ADAMTSL1: variants seen among roughly 807,000 people sequenced by gnomAD.
ADAMTSL1 encodes ADAMTS-like protein 1.
ADAMTSL1 carries 126 observed loss-of-function variants against 201.8 expected under a neutral mutation model. The ratio of observed to expected loss-of-function variants is 0.62; its 90% CI spans 0.54 to 0.72. The LOEUF is 0.72. Among genes scored for constraint, ADAMTSL1 ranks in the 30% least tolerant of loss-of-function variants. The pLI, the probability that ADAMTSL1 is intolerant of heterozygous loss-of-function variation, is 0.00. For missense variants in ADAMTSL1, 2,679 were observed against 2,277.8 expected (o/e 1.18, Z -3.59); for synonymous variants, 1,121 against 903.4 (o/e 1.24, Z -4.32).
chr9:18,569,500 G>C (rs1564056511), intron 3 of ADAMTSL1, among the ~76,000 whole-genome samples: 1 of 152,156 alleles, frequency 6.6e-6, no homozygotes, highest in Admixed American at 6.5e-5. Flanking sequence ...GGTATATTTA[G>C]AGTTTATTGG....
intron 2 of ADAMTSL1, among the ~76,000 whole-genome samples, chr9:18,314,824 T>G: frequency 9.6e-6 from 1 of 104,340 alleles, no homozygotes; most frequent in Admixed American, 1.5e-4. Flanking sequence ...TGAGACGGAG[T>G]CTTGCTCTGT....
intron 2 of ADAMTSL1, among the ~76,000 whole-genome samples, chr9:18,274,479 G>C (rs2132596358): frequency 6.6e-6 from 1 of 152,120 alleles, no homozygotes; most frequent in South Asian, 2.1e-4. Flanking sequence ...AGAGTTAGTA[G>C]TTTGAAAAGA....
chr9:18,007,673 C>A lies in ADAMTSL1; in HGVS notation c.87+100751C>A, dbSNP rs1434673867. On this transcript the variant is annotated intron_variant, in intron 1 of 29. Transcript: ENST00000680146. ...TCTGGTAATGGGGATGATTATGGCACTGAAGCCTTCAACACATTCACAGAA... is the reference window on the plus strand; with the variant it reads ...TCTGGTAATGGGGATGATTATGGCAATGAAGCCTTCAACACATTCACAGAA... Among the ~76,000 whole-genome samples, 3 of 152,034 alleles carry A rather than the reference C, an allele frequency of 2.0e-5. No individual in the cohort carries two copies. In the East Asian group the frequency reaches 5.9e-4, roughly 30 times the overall value.
At chr9:18,042,476 A>T (rs1286354561) in intron 1 of ADAMTSL1, among the ~76,000 whole-genome samples, 1 of 152,266 alleles carries the variant, frequency 6.6e-6, no homozygotes, top group South Asian at 2.1e-4. Context: ...AGATGAAGAC[A>T]TGAGGGGTTG....
chr9:18,499,989 A>T (rs1462149885), intron 1 of ADAMTSL1, among the ~76,000 whole-genome samples: 2 of 152,174 alleles, frequency 1.3e-5, no homozygotes, highest in East Asian at 3.8e-4. Flanking sequence ...ATATAACTCT[A>T]GTCTTTTATT....
chr9:18,394,124 A>C (rs1020108524), intron 2 of ADAMTSL1, among the ~76,000 whole-genome samples: 3 of 152,192 alleles, frequency 2.0e-5, no homozygotes, highest in Admixed American at 1.3e-4. Context: ...AGAGCCATAA[A>C]GAGATTGTTG....
intron 2 of ADAMTSL1, among the ~76,000 whole-genome samples, chr9:18,453,675 C>G (rs959481939): frequency 6.6e-6 from 1 of 152,162 alleles, no homozygotes; most frequent in Admixed American, 6.5e-5. Context: ...CCTAGTTTAT[C>G]ACTCTTAAAT....
At chr9:18,599,100 A>G (rs1445637024) in intron 4 of ADAMTSL1, among the ~76,000 whole-genome samples, 1 of 152,188 alleles carries the variant, frequency 6.6e-6, no homozygotes, top group East Asian at 1.9e-4. Flanking sequence ...TGACAGAAAG[A>G]TTTATTAATT....
rs75599956 is a variant in ADAMTSL1, at chr9:18,392,814, G to T, written c.208-112015G>T. Among the ~76,000 whole-genome samples the T allele has an allele frequency of 7.2e-3, 1,098 of 152,270 alleles. 15 individuals carry two copies. Among genetic ancestry groups the T allele is most frequent in the African/African-American group, 0.025 (1,047 of 41,548 alleles). On this transcript the variant is annotated intron_variant, in intron 2 of 29. Coordinates refer to the ADAMTSL1 transcript ENST00000680146. Reference sequence around the variant, plus strand: ...TTATGAGCCAGAGTGAGAAATATCAGCCTTCTTTCCTTTTCTTCACCTACC... The same window carrying T: ...TTATGAGCCAGAGTGAGAAATATCATCCTTCTTTCCTTTTCTTCACCTACC...
intron 2 of ADAMTSL1, among the ~76,000 whole-genome samples, chr9:18,192,603 A>G (rs540159914): frequency 2.0e-5 from 3 of 152,274 alleles, no homozygotes; most frequent in South Asian, 2.1e-4. Flanking sequence ...ATGGTACTGA[A>G]CCATGATTTT....
chr9:18,671,555 G>C (rs1829815065), intron 9 of ADAMTSL1, among the ~76,000 whole-genome samples: 1 of 152,130 alleles, frequency 6.6e-6, no homozygotes, highest in African/African-American at 2.4e-5. Flanking sequence ...TGGTGGTCGT[G>C]ATAACAGGAG....
At chr9:18,153,369 C>A (rs566534572) in intron 1 of ADAMTSL1, among the ~76,000 whole-genome samples, 116 of 152,166 alleles carry the variant, frequency 7.6e-4, no homozygotes, top group African/African-American at 2.7e-3. Flanking sequence ...TAGATGACTT[C>A]TAAGCCTCTA....
At chr9:18,904,263 A>G (rs35275925) in intron 26 of ADAMTSL1, among the ~76,000 whole-genome samples, 88,170 of 151,828 alleles carry the variant, frequency 0.58, 26,023 homozygotes, top group African/African-American at 0.67. Context: ...GAGGTCAAGA[A>G]TTCAAAACCA....
intron 9 of ADAMTSL1, among the ~76,000 whole-genome samples, chr9:18,670,287 T>G (rs1219293052): frequency 6.6e-6 from 1 of 152,210 alleles, no homozygotes; most frequent in African/African-American, 2.4e-5. Flanking sequence ...CAGCACGGTA[T>G]CTGAAAGACA....
intron 1 of ADAMTSL1, among the ~76,000 whole-genome samples, chr9:17,964,772 A>T (rs1269188828): frequency 1.3e-5 from 2 of 152,186 alleles, no homozygotes; most frequent in African/African-American, 2.4e-5. Context: ...ATCCACAGTG[A>T]TCTAAACATT....
chr9:18,909,064 G>T lies in ADAMTSL1; in HGVS notation c.*516G>T, dbSNP rs1399862597. 6.4e-6 allele frequency: 1 copy of T among 156,036 alleles called. No homozygotes were observed. Among genetic ancestry groups the T allele is most frequent in the South Asian group, 1.9e-4 (1 of 5,156 alleles). 9.7% of individuals were successfully genotyped at this position (156,036 alleles called of 1,614,324 possible). Reference sequence around the variant, plus strand: ...AAATGGGGAGGGGACACCATGCTGAGGCAGAAACTAGCCCAGAACTCACTC... The same window carrying T: ...AAATGGGGAGGGGACACCATGCTGATGCAGAAACTAGCCCAGAACTCACTC... On this transcript the variant is annotated 3_prime_UTR_variant, in exon 29 of 29. Coordinates refer to ENST00000380548, the MANE Select transcript of ADAMTSL1 (RefSeq NM_001040272.6).
intron 2 of ADAMTSL1, among the ~76,000 whole-genome samples, chr9:18,240,309 T>C (rs1425251692): frequency 6.6e-6 from 1 of 151,880 alleles, no homozygotes; most frequent in East Asian, 1.9e-4. Flanking sequence ...ACTAGGTGCA[T>C]TGTTAATGAA....
At chr9:18,067,911 A>G (rs1312447524) in intron 1 of ADAMTSL1, among the ~76,000 whole-genome samples, 2 of 152,188 alleles carry the variant, frequency 1.3e-5, no homozygotes, top group Admixed American at 6.5e-5. Context: ...CTGAGATTCA[A>G]ACAGGAGGGG....
chr9:18,208,950 A>G (rs968671932), intron 2 of ADAMTSL1, among the ~76,000 whole-genome samples: 1 of 150,374 alleles, frequency 6.7e-6, no homozygotes, highest in African/African-American at 2.4e-5. Flanking sequence ...CTTATCTACA[A>G]AATGGGGAAA....
Sources: allele counts gnomAD v4.1 joint callset (sites outside exome capture counted in the v4.1 genomes callset), GRCh38; gene constraint gnomAD v4.1.1; transcripts MANE v1.5; gene names NCBI Gene and HGNC (gene_info 2026-07-23, HGNC 2026-07-21).